SLC25A26: variants seen among roughly 807,000 people sequenced by gnomAD.
SLC25A26 encodes the protein solute carrier family 25 member 26, also known as mitochondrial S-adenosylmethionine carrier protein.
In SLC25A26, 36 loss-of-function variants were observed where a neutral mutation model predicts 37.8. The ratio of observed to expected loss-of-function variants is 0.95; its 90% CI spans 0.73 to 1.26. The LOEUF (loss-of-function observed/expected upper bound fraction) is 1.26, where lower values mean the gene tolerates loss of function less well. Among genes scored for constraint, SLC25A26 ranks in the 50% most tolerant of loss-of-function variants. The pLI is 0.00. For synonymous variants in SLC25A26, 129 were observed against 122.5 expected, an observed-to-expected ratio of 1.05 and a Z score of -0.35; for missense variants, 390 against 331.1, an observed-to-expected ratio of 1.18 and a Z score of -1.38.
At chr3:66,292,380 T>G (rs1284425127) in intron 5 of SLC25A26, among the ~76,000 whole-genome samples, 2 of 152,170 alleles carry the variant, frequency 1.3e-5, no homozygotes, top group Admixed American at 6.5e-5. Context: ...TTGATGCAGT[T>G]TCTTCGTAGT....
intron 5 of SLC25A26, among the ~76,000 whole-genome samples, chr3:66,307,197 G>A (rs937731788): frequency 1.2e-4 from 19 of 152,170 alleles, no homozygotes; most frequent in African/African-American, 4.6e-4. Flanking sequence ...GATCGTCATT[G>A]TAACTGGAGT....
At chr3:66,239,264 C>CTT (rs555707985) in intron 2 of SLC25A26, among the ~76,000 whole-genome samples, 110 of 143,088 alleles carry the variant, frequency 7.7e-4, no homozygotes, top group African/African-American at 1.1e-3. Context: ...CATCCCCAAC[C>CTT]TTTTTTTTTT....
chr3:66,309,110 G>T (rs1002488539), intron 5 of SLC25A26, among the ~76,000 whole-genome samples: 2 of 152,140 alleles, frequency 1.3e-5, no homozygotes, highest in African/African-American at 4.8e-5. Context: ...AGAAGGAATG[G>T]TACCTCTGGT....
chr3:66,290,075 T>C (rs1207913296), intron 5 of SLC25A26, among the ~76,000 whole-genome samples: 1 of 152,188 alleles, frequency 6.6e-6, no homozygotes, highest in Non-Finnish European at 1.5e-5. Context: ...ATTTCCTTTA[T>C]AGCAATTGTG....
At chr3:66,186,052 G>A (rs965826835) in intron 1 of SLC25A26, among the ~76,000 whole-genome samples, 4 of 151,238 alleles carry the variant, frequency 2.6e-5, no homozygotes, top group African/African-American at 2.4e-5. Flanking sequence ...TCCTGACACC[G>A]ATTCTGATTC....
intron 1 of SLC25A26, among the ~76,000 whole-genome samples, chr3:66,195,957 C>T (rs992844219): frequency 9.2e-5 from 14 of 152,206 alleles, no homozygotes; most frequent in African/African-American, 3.4e-4. Context: ...TGGCTAAGAT[C>T]AAGCGTAGGA....
intron 9 of SLC25A26, chr3:66,371,118 A>G: frequency 7.1e-7 from 1 of 1,413,914 alleles, no homozygotes; most frequent in Non-Finnish European, 9.2e-7. Context: ...GCAAGATTAA[A>G]ACATTGCTTT....
At chr3:66,318,407 C>T (rs1054515030) in intron 5 of SLC25A26, among the ~76,000 whole-genome samples, 1 of 152,238 alleles carries the variant, frequency 6.6e-6, no homozygotes, top group East Asian at 1.9e-4. Context: ...CCTGCCTTGA[C>T]CAGGGGAGGG....
rs1484174216 is a variant in SLC25A26, at chr3:66,362,896, T to C, written c.535T>C (p.Ser179Pro). ...CTGGAGGCAGGATCATGTGGTGGAT[T>C]CTTGGCAGTCAGCAGTCTGTGGAGC... is the stretch of plus-strand genomic sequence containing the variant. Reference protein sequence around the residue: ...WSWRQDHVVDSWQSAVCGAFA... With the variant: ...WSWRQDHVVDPWQSAVCGAFA... The change falls in exon 7 of 10, where the codon TCT becomes CCT. Residue 179 changes from serine to proline, a missense_variant. Physicochemically the swap from Ser to Pro is moderately conservative, Grantham distance 74. Coordinates refer to ENST00000354883, the MANE Select transcript of SLC25A26 (RefSeq NM_001379210.1). 2 of 1,608,860 alleles carry C rather than the reference T, an allele frequency of 1.2e-6. No individual in the cohort carries two copies. Among genetic ancestry groups the C allele is most frequent in the Non-Finnish European group, 1.7e-6 (2 of 1,177,590 alleles).
chr3:66,307,195 T>A (rs956852654), intron 5 of SLC25A26, among the ~76,000 whole-genome samples: 1 of 152,254 alleles, frequency 6.6e-6, no homozygotes, highest in African/African-American at 2.4e-5. Context: ...ATGATCGTCA[T>A]TGTAACTGGA....
chr3:66,209,865 C>CAT lies in SLC25A26; in HGVS notation c.-353-10867_-353-10866dup, dbSNP rs1275995997. 1.8e-3 allele frequency among the ~76,000 whole-genome samples: 191 copies of CAT among 103,892 alleles called. 2 individuals carry two copies. Among genetic ancestry groups the CAT allele is most frequent in the African/African-American group, 7.0e-3 (188 of 26,692 alleles). The allele number at this position is 103,892 out of a possible 152,430, so 68.2% of individuals were successfully genotyped here. A position where few individuals can be genotyped will look rare whatever the true frequency, so the allele number is the denominator to read the frequency against. ...ATAGAGAGAGGTGTGTATACACACA[C>CAT]ATATATATATACTCCTCTCTCTCTC... On this transcript the variant is annotated intron_variant, in intron 1 of 10. Transcript: ENST00000676754.
At chr3:66,316,881 A>C (rs1443562120) in intron 5 of SLC25A26, among the ~76,000 whole-genome samples, 2 of 151,800 alleles carry the variant, frequency 1.3e-5, no homozygotes, top group African/African-American at 4.8e-5. Context: ...CTTCTCTTCC[A>C]CTTGGTCTAT....
upstream of SLC25A26, among the ~76,000 whole-genome samples, chr3:66,220,070 G>C (rs2071427479): frequency 6.6e-6 from 1 of 152,188 alleles, no homozygotes; most frequent in African/African-American, 2.4e-5. Flanking sequence ...GAAAGGCCAG[G>C]CAAGGAGCCT....
chr3:66,274,257 G>T (rs925857478), intron 5 of SLC25A26, among the ~76,000 whole-genome samples: 5 of 151,860 alleles, frequency 3.3e-5, no homozygotes, highest in Non-Finnish European at 7.4e-5. Flanking sequence ...ATTCAAGATG[G>T]GTTAAAGACT....
chr3:66,194,772 T>G (rs1300920713), intron 1 of SLC25A26, among the ~76,000 whole-genome samples: 1 of 152,188 alleles, frequency 6.6e-6, no homozygotes, highest in Non-Finnish European at 1.5e-5. Flanking sequence ...CAGCTAATTT[T>G]GTATTTTTAG....
At chr3:66,186,494 A>C (rs1024867358) in intron 1 of SLC25A26, among the ~76,000 whole-genome samples, 2 of 151,990 alleles carry the variant, frequency 1.3e-5, no homozygotes, top group South Asian at 4.2e-4. Context: ...CCTGACCAGC[A>C]CTCTGACATT....
chr3:66,310,993 A>G (rs915122782), intron 5 of SLC25A26, among the ~76,000 whole-genome samples: 3 of 152,058 alleles, frequency 2.0e-5, no homozygotes, highest in Non-Finnish European at 4.4e-5. Flanking sequence ...CTCGAGGAGT[A>G]TCTTAGTGGT....
At chr3:66,241,776 TG>T (rs2107097590) in intron 2 of SLC25A26, among the ~76,000 whole-genome samples, 1 of 152,302 alleles carries the variant, frequency 6.6e-6, no homozygotes, top group East Asian at 1.9e-4. Context: ...TGGATGTGGA[TG>T]TTTTTGTAAA....
chr3:66,194,889 C>A (rs1245842692), intron 1 of SLC25A26, among the ~76,000 whole-genome samples: 4 of 152,208 alleles, frequency 2.6e-5, no homozygotes, highest in African/African-American at 9.6e-5. Context: ...GCGTGAGACA[C>A]CGCGCCGGGC....
Sources: allele counts gnomAD v4.1 joint callset (sites outside exome capture counted in the v4.1 genomes callset), GRCh38; gene constraint gnomAD v4.1.1; transcripts MANE v1.5; gene names NCBI Gene and HGNC (gene_info 2026-07-23, HGNC 2026-07-21).